The following DPP6 variants were observed in gnomAD, a reference collection of about 807,000 sequenced individuals.
The protein encoded by DPP6 is A-type potassium channel modulatory protein DPP6.
In DPP6, 69 loss-of-function variants were observed where a neutral mutation model predicts 122.6. The observed-to-expected ratio is 0.56, with a 90% CI of 0.46 to 0.69. The LOEUF is 0.69. Among genes scored for constraint, DPP6 ranks in the 30% least tolerant of loss-of-function variants. The pLI is 0.00. For synonymous variants in DPP6, 418 were observed against 433.1 expected (o/e 0.97, Z 0.43); for missense variants, 928 against 1,116.9 (o/e 0.83, Z 2.41).
the DPP6 span, among the ~76,000 whole-genome samples, chr7:153,781,904 G>A: frequency 0.51 from 75,120 of 148,412 alleles, 19,841 homozygotes; most frequent in African/African-American, 0.64. Context: ...ATAAAGCAGT[G>A]ATTATTAACT....
chr7:154,635,682 C>T (rs1835689159), intron 5 of DPP6, among the ~76,000 whole-genome samples: 1 of 152,184 alleles, frequency 6.6e-6, no homozygotes, highest in African/African-American at 2.4e-5. Context: ...CAGGGTCCCT[C>T]ATGAGGCCAG....
chr7:154,189,373 T>C lies in DPP6; in HGVS notation c.243+136310T>C, dbSNP rs141480269. On this transcript the variant is annotated intron_variant, in intron 1 of 25. Coordinates refer to ENST00000377770, the MANE Select transcript of DPP6 (RefSeq NM_130797.4). ...AGATGAAGCTGGTAATACCCCTACG[T>C]AGTGTTTGGGGGTGAAGATTAAATT... Among the ~76,000 whole-genome samples, 693 of 152,272 alleles carry C rather than the reference T, an allele frequency of 4.6e-3. 6 individuals are homozygous for C. The highest frequency in any genetic ancestry group is 0.016 in the African/African-American group (660 of 41,554).
chr7:154,405,668 A>C (rs1816027556), intron 1 of DPP6, among the ~76,000 whole-genome samples: 2 of 152,010 alleles, frequency 1.3e-5, no homozygotes, highest in South Asian at 4.2e-4. Flanking sequence ...GGAGCTGGGC[A>C]CTCTGCTCAG....
chr7:153,898,348 A>T (rs1563216088), intron 1 of DPP6, among the ~76,000 whole-genome samples: 2 of 152,180 alleles, frequency 1.3e-5, no homozygotes, highest in Non-Finnish European at 2.9e-5. Context: ...GCTACTTGGG[A>T]GGCTTAGGTG....
intron 5 of DPP6, among the ~76,000 whole-genome samples, chr7:154,621,633 C>T (rs954077160): frequency 2.6e-5 from 4 of 152,132 alleles, no homozygotes; most frequent in Non-Finnish European, 4.4e-5. Flanking sequence ...TCCCAAAGTG[C>T]TAAGATTAGA....
At chr7:154,859,367 C>T (rs765289971) in intron 17 of DPP6, among the ~76,000 whole-genome samples, 7 of 152,248 alleles carry the variant, frequency 4.6e-5, no homozygotes, top group Non-Finnish European at 7.3e-5. Flanking sequence ...CGCTGTGTGA[C>T]GCCATGACTG....
intron 4 of DPP6, among the ~76,000 whole-genome samples, chr7:154,563,005 A>G (rs1830522258): frequency 1.3e-5 from 2 of 152,190 alleles, no homozygotes; most frequent in Admixed American, 1.3e-4. Context: ...TAAGATAAAT[A>G]GGTTAAAAAA....
At chr7:153,843,241 CACAT>C in the DPP6 span, among the ~76,000 whole-genome samples, 221 of 151,680 alleles carry the variant, frequency 1.5e-3, 1 homozygote, top group African/African-American at 4.8e-3. Context: ...CATACACACG[CACAT>C]ACATGTGCAT....
the DPP6 span, among the ~76,000 whole-genome samples, chr7:153,755,052 A>T: frequency 3.1e-5 from 4 of 129,254 alleles, no homozygotes; most frequent in South Asian, 2.3e-4. Flanking sequence ...ATTGGACCAC[A>T]GTTTAAAATG....
chr7:153,833,856 A>T, the DPP6 span, among the ~76,000 whole-genome samples: 1 of 152,194 alleles, frequency 6.6e-6, no homozygotes, highest in Admixed American at 6.5e-5. Flanking sequence ...ACCAAGGACA[A>T]TGCATTCTGC....
intron 4 of DPP6, among the ~76,000 whole-genome samples, chr7:154,560,776 G>A (rs1384624940): frequency 5.9e-5 from 9 of 151,808 alleles, no homozygotes; most frequent in African/African-American, 1.9e-4. Context: ...CCAGCAGCTC[G>A]GGAGGCTGAG....
At chr7:154,562,462 ATATC>A (rs1169778584) in intron 4 of DPP6, among the ~76,000 whole-genome samples, 2 of 152,164 alleles carry the variant, frequency 1.3e-5, no homozygotes, top group African/African-American at 4.8e-5. Flanking sequence ...CTGATAAAAG[ATATC>A]TATTAAAAAT....
chr7:154,647,646 G>A (rs13239249), intron 6 of DPP6, among the ~76,000 whole-genome samples: 22 of 152,070 alleles, frequency 1.4e-4, no homozygotes, highest in Admixed American at 2.6e-4. Flanking sequence ...CCTTAACCGC[G>A]CATGTTTGCA....
At chr7:154,189,487 G>C (rs1798509694) in intron 1 of DPP6, among the ~76,000 whole-genome samples, 1 of 152,188 alleles carries the variant, frequency 6.6e-6, no homozygotes, top group Non-Finnish European at 1.5e-5. Flanking sequence ...GCTGATAACT[G>C]TCATGGGAGA....
chr7:154,631,098 T>C (rs1014384283), intron 5 of DPP6, among the ~76,000 whole-genome samples: 8 of 152,176 alleles, frequency 5.3e-5, no homozygotes, highest in African/African-American at 1.9e-4. Context: ...ACTCAGAAGA[T>C]ACATGAAGCA....
chr7:154,185,490 C>A (rs1032681358), intron 1 of DPP6, among the ~76,000 whole-genome samples: 1 of 151,978 alleles, frequency 6.6e-6, no homozygotes, highest in Non-Finnish European at 1.5e-5. Flanking sequence ...ATCCTGAAGC[C>A]GATGTTCAGT....
At chr7:154,778,610 C>T (rs971992048) in intron 10 of DPP6, among the ~76,000 whole-genome samples, 4 of 151,500 alleles carry the variant, frequency 2.6e-5, no homozygotes, top group African/African-American at 9.7e-5. Context: ...CCCCAACCTT[C>T]ACCACCTATA....
chr7:153,781,448 G>C, the DPP6 span, among the ~76,000 whole-genome samples: 2 of 152,218 alleles, frequency 1.3e-5, no homozygotes, highest in African/African-American at 4.8e-5. Context: ...CTTTTTATCT[G>C]ACTGGGCCCC....
chr7:154,739,384 G>C (rs974108225), intron 8 of DPP6, among the ~76,000 whole-genome samples: 7 of 152,194 alleles, frequency 4.6e-5, no homozygotes, highest in Non-Finnish European at 7.3e-5. Flanking sequence ...GAGTTGGGTT[G>C]AGAAAGCAGG....
Sources: gnomAD v4.1 joint callset for allele counts (sites outside exome capture counted in the v4.1 genomes callset) on GRCh38, gnomAD v4.1.1 for gene constraint, MANE v1.5 for transcripts, NCBI Gene and HGNC (gene_info 2026-07-23, HGNC 2026-07-21) for gene names.